RNF185: variants seen among roughly 807,000 people sequenced by gnomAD.
RNF185 encodes ring finger protein 185, also known as E3 ubiquitin-protein ligase RNF185.
A neutral mutation model predicts 24.9 loss-of-function variants in RNF185; 13 were observed. That is an observed-to-expected ratio of 0.52 (90% CI 0.34 to 0.83). The LOEUF is 0.83. Ranked by LOEUF, RNF185 falls within the 40% of genes least tolerant of loss-of-function variation. RNF185 has a pLI of 0.01. For synonymous variants in RNF185, 79 were observed against 90.3 expected, an observed-to-expected ratio of 0.88 and a Z score of 0.71; for missense variants, 184 against 244.7, an observed-to-expected ratio of 0.75 and a Z score of 1.65.
intron 1 of RNF185, among the ~76,000 whole-genome samples, chr22:31,163,660 A>ATTTATTTATTTT (rs1555880103): frequency 7.2e-6 from 1 of 139,798 alleles, no homozygotes; most frequent in Non-Finnish European, 1.5e-5. Flanking sequence ...ATTTTATTTT[A>ATTTATTTATTTT]TTTATTTATT....
At chr22:31,192,755 G>C in intron 3 of RNF185, 53 bp downstream of exon 3, 3 of 1,565,404 alleles carry the variant, frequency 1.9e-6, no homozygotes, top group Non-Finnish European at 2.6e-6. Context: ...TTGCACAAGA[G>C]AGCCCTAGTC....
chr22:31,197,491 G>A (rs973776452), intron 5 of RNF185, among the ~76,000 whole-genome samples: 4 of 152,044 alleles, frequency 2.6e-5, no homozygotes, highest in East Asian at 1.9e-4. Context: ...AGACATTAGC[G>A]GCTTTCTTTT....
At chr22:31,170,758 C>T (rs1254618427) in intron 1 of RNF185, among the ~76,000 whole-genome samples, 3 of 152,162 alleles carry the variant, frequency 2.0e-5, no homozygotes, top group Non-Finnish European at 2.9e-5. Context: ...GATCCACCCA[C>T]CTTGTACTCC....
At chr22:31,187,836 G>A (rs1602832349) in intron 2 of RNF185, among the ~76,000 whole-genome samples, 2 of 152,148 alleles carry the variant, frequency 1.3e-5, no homozygotes, top group East Asian at 3.8e-4. Context: ...TGTCAAGGTC[G>A]GTGTCTGTTC....
At chr22:31,179,737 C>T (rs192836586) in intron 1 of RNF185, among the ~76,000 whole-genome samples, 5 of 152,338 alleles carry the variant, frequency 3.3e-5, no homozygotes, top group Admixed American at 2.6e-4. Flanking sequence ...ACCATTCCTA[C>T]TCCAACACCT....
At chr22:31,162,051 A>G (rs1237546800) in intron 1 of RNF185, among the ~76,000 whole-genome samples, 1 of 152,032 alleles carries the variant, frequency 6.6e-6, no homozygotes, top group African/African-American at 2.4e-5. Flanking sequence ...TTCTAATCAA[A>G]CATTATTATG....
chr22:31,172,885 G>C (rs1236143096), intron 1 of RNF185, among the ~76,000 whole-genome samples: 1 of 152,116 alleles, frequency 6.6e-6, no homozygotes, highest in Non-Finnish European at 1.5e-5. Flanking sequence ...CTTAGGCTAA[G>C]TCCTCTGGCT....
At chr22:31,165,379 T>C (rs1361144540) in intron 1 of RNF185, among the ~76,000 whole-genome samples, 10 of 152,254 alleles carry the variant, frequency 6.6e-5, no homozygotes, top group Non-Finnish European at 1.3e-4. Flanking sequence ...GATGATGTTC[T>C]TATTGGCCAT....
intron 1 of RNF185, among the ~76,000 whole-genome samples, chr22:31,175,000 G>A (rs1362714858): frequency 1.3e-5 from 2 of 151,802 alleles, no homozygotes; most frequent in Non-Finnish European, 2.9e-5. Flanking sequence ...TTGAACCCAG[G>A]AGGCAGAGGT....
chr22:31,160,690 C>G (rs945079437), intron 1 of RNF185, among the ~76,000 whole-genome samples: 3 of 152,146 alleles, frequency 2.0e-5, no homozygotes, highest in African/African-American at 7.2e-5. Flanking sequence ...AGTAAGAGAC[C>G]TGGATTCGAG....
chr22:31,171,534 A>G (rs1022303724), intron 1 of RNF185, among the ~76,000 whole-genome samples: 11 of 150,846 alleles, frequency 7.3e-5, no homozygotes, highest in Non-Finnish European at 8.8e-5. Flanking sequence ...GTGTTTGCCA[A>G]ACAGCACTGG....
chr22:31,162,191 C>A (rs1850718211), intron 1 of RNF185, among the ~76,000 whole-genome samples: 1 of 152,120 alleles, frequency 6.6e-6, no homozygotes. Flanking sequence ...TGACTTGCTC[C>A]CCCGCCGCCA....
At chr22:31,169,883 A>G (rs983634238) in intron 1 of RNF185, among the ~76,000 whole-genome samples, 2 of 152,214 alleles carry the variant, frequency 1.3e-5, no homozygotes, top group South Asian at 4.2e-4. Flanking sequence ...TCTGCTGTAG[A>G]TGACAGGAGT....
At chr22:31,198,293 A>T (rs1474524137) in intron 5 of RNF185, among the ~76,000 whole-genome samples, 1 of 150,956 alleles carries the variant, frequency 6.6e-6, no homozygotes, top group Non-Finnish European at 1.5e-5. Flanking sequence ...GAACCCATTG[A>T]GTTTTGGTTC....
At chr22:31,169,759 G>T (rs1020271539) in intron 1 of RNF185, among the ~76,000 whole-genome samples, 3 of 151,984 alleles carry the variant, frequency 2.0e-5, no homozygotes, top group African/African-American at 7.3e-5. Flanking sequence ...TGTTACCCAG[G>T]CTGGTCTCAA....
At chr22:31,176,381 C>G (rs1274947267) in intron 1 of RNF185, among the ~76,000 whole-genome samples, 5 of 151,888 alleles carry the variant, frequency 3.3e-5, no homozygotes, top group Admixed American at 1.3e-4. Context: ...CTCAAGCAAT[C>G]TTCCTGCCTC....
At chr22:31,161,455 C>G (rs1923571511) in intron 1 of RNF185, among the ~76,000 whole-genome samples, 1 of 152,238 alleles carries the variant, frequency 6.6e-6, no homozygotes, top group Non-Finnish European at 1.5e-5. Context: ...CTTACATAAT[C>G]TCTTCCTGGT....
chr22:31,202,604 T>C (rs2048273384), intron 6 of RNF185, among the ~76,000 whole-genome samples: 1 of 131,568 alleles, frequency 7.6e-6, no homozygotes. Flanking sequence ...ATCTTGGGAA[T>C]GCCTTTTTTT....
chr22:31,198,394 CTTTTTT>C (rs11298437), intron 5 of RNF185, among the ~76,000 whole-genome samples: 9 of 96,930 alleles, frequency 9.3e-5, no homozygotes, highest in African/African-American at 2.7e-4. Flanking sequence ...TCTTTGCACA[CTTTTTT>C]TTTTTTTTTT....
Sources: gnomAD v4.1 joint callset for allele counts (sites outside exome capture counted in the v4.1 genomes callset) on GRCh38, gnomAD v4.1.1 for gene constraint, MANE v1.5 for transcripts, NCBI Gene and HGNC (gene_info 2026-07-23, HGNC 2026-07-21) for gene names.